NR3C1: variants seen among roughly 807,000 people sequenced by gnomAD.
NR3C1 encodes nuclear receptor subfamily 3 group C member 1.
NR3C1 carries 14 observed loss-of-function variants against 74.0 expected under a neutral mutation model. The ratio of observed to expected loss-of-function variants is 0.19; its 90% CI spans 0.12 to 0.30. The LOEUF (loss-of-function observed/expected upper bound fraction) is 0.30. Ranked by LOEUF, NR3C1 falls within the 10% of genes least tolerant of loss-of-function variation. NR3C1 has a pLI of 1.00. For synonymous variants in NR3C1, 308 were observed against 332.5 expected (o/e 0.93, Z 0.80); for missense variants, 695 against 909.8 (o/e 0.76, Z 3.04).
At chr5:143,313,601 TCTCA>T (rs1471842619) in intron 3 of NR3C1, among the ~76,000 whole-genome samples, 1 of 152,126 alleles carries the variant, frequency 6.6e-6, no homozygotes, top group Non-Finnish European at 1.5e-5. Context: ...CTGTCACAGT[TCTCA>T]CTGTGACTCA....
At position 143,329,422 on chromosome 5, in the gene NR3C1, A is replaced by G. The variant is rs142303794; in HGVS notation, c.1185-15254T>C. Among the ~76,000 whole-genome samples, 223 of 152,316 alleles carry G rather than the reference A, an allele frequency of 1.5e-3. 2 individuals are homozygous for G. The highest frequency in any genetic ancestry group is 5.1e-3 in the African/African-American group (211 of 41,580). ...CCAAACCATATCACATCCTGAAAGT[A>G]GGTATCTCTAATCCCATTTGACAGA... is the stretch of plus-strand genomic sequence containing the variant. On this transcript the variant is annotated intron_variant, in intron 2 of 8. Coordinates refer to ENST00000394464, the MANE Select transcript of NR3C1 (RefSeq NM_000176.3).
At chr5:143,402,767 G>A in intron 1 of NR3C1, 3 of 985,386 alleles carry the variant, frequency 3.0e-6, no homozygotes, top group Non-Finnish European at 3.6e-6. Flanking sequence ...CCGGGCTCGC[G>A]CTCGGGCGCG....
chr5:143,392,520 T>G (rs930554993), intron 2 of NR3C1, among the ~76,000 whole-genome samples: 12 of 148,514 alleles, frequency 8.1e-5, no homozygotes, highest in African/African-American at 2.2e-4. Context: ...GGTTTCCTGG[T>G]TTTTTTTTTC....
At chr5:143,343,818 T>C (rs1828697775) in intron 2 of NR3C1, among the ~76,000 whole-genome samples, 3 of 152,226 alleles carry the variant, frequency 2.0e-5, no homozygotes, top group Non-Finnish European at 1.5e-5. Flanking sequence ...GTTGTGGCAC[T>C]GGGCCTAGAT....
chr5:143,364,298 C>T (rs1832808234), intron 2 of NR3C1, among the ~76,000 whole-genome samples: 1 of 152,166 alleles, frequency 6.6e-6, no homozygotes, highest in Non-Finnish European at 1.5e-5. Flanking sequence ...CCAACACTAT[C>T]CTTCAAAAAT....
chr5:143,336,552 AT>A, intron 2 of NR3C1, among the ~76,000 whole-genome samples: 1 of 152,208 alleles, frequency 6.6e-6, no homozygotes, highest in East Asian at 1.9e-4. Context: ...GGGGTTCAAA[AT>A]CAGGAAGACT....
intron 4 of NR3C1, 65 bp downstream of exon 4, chr5:143,310,032 A>G (rs2151601976): frequency 4.0e-6 from 5 of 1,237,866 alleles, no homozygotes; most frequent in Admixed American, 1.7e-5. Context: ...TGTATCTTCA[A>G]AAGTAAAATG....
rs1483819721 is a variant in NR3C1, at chr5:143,282,652, T to G, written c.2097A>C (p.Lys699Asn). ...AGTTTCCTTCCCTCTTGACAATGGCTTTTCCTAGCTCTTTGATGTAGGTCA... is the reference window on the plus strand; with the variant it reads ...AGTTTCCTTCCCTCTTGACAATGGCGTTTCCTAGCTCTTTGATGTAGGTCA... ...IRMTYIKELG[K>N]AIVKREGNSS... Residue 699 changes from lysine (K) to asparagine (N), a missense_variant, in exon 8 of 9, where the codon AAA (lysine) becomes AAC (asparagine). Transcript: ENST00000394464. 1.2e-6 allele frequency: 2 copies of G among 1,614,082 alleles called. No individual in the cohort carries two copies. Among genetic ancestry groups the G allele is most frequent in the South Asian group, 2.2e-5 (2 of 91,080 alleles).
intron 2 of NR3C1, among the ~76,000 whole-genome samples, chr5:143,353,481 T>C (rs962616732): frequency 6.6e-6 from 1 of 152,182 alleles, no homozygotes; most frequent in Non-Finnish European, 1.5e-5. Flanking sequence ...AATGTACTGA[T>C]TTGAAACTTG....
At chr5:143,413,239 G>A (rs1352281107) in intron 1 of NR3C1, among the ~76,000 whole-genome samples, 1 of 152,148 alleles carries the variant, frequency 6.6e-6, no homozygotes, top group African/African-American at 2.4e-5. Context: ...TTAGGAAAAT[G>A]GGTGTGGATA....
chr5:143,401,671 C>G (rs1840309623), intron 1 of NR3C1, among the ~76,000 whole-genome samples: 1 of 152,184 alleles, frequency 6.6e-6, no homozygotes, highest in African/African-American at 2.4e-5. Context: ...ACAAAAACAT[C>G]TAGATTAAGC....
intron 2 of NR3C1, among the ~76,000 whole-genome samples, chr5:143,391,616 T>C (rs1457712899): frequency 1.3e-5 from 2 of 152,162 alleles, no homozygotes; most frequent in African/African-American, 2.4e-5. Flanking sequence ...CTATGGCTAT[T>C]ATGTAGATGG....
chr5:143,394,495 T>TA lies in NR3C1; in HGVS notation c.1184+5160dup, dbSNP rs61751245. Among the ~76,000 whole-genome samples the TA allele has an allele frequency of 6.3e-3, 956 of 152,156 alleles. 10 individuals carry two copies. Among genetic ancestry groups the TA allele is most frequent in the African/African-American group, 0.022 (924 of 41,558 alleles). On this transcript the variant is annotated intron_variant, in intron 2 of 8. Transcript: ENST00000394464. ...GTTGACAATGGCTGTAAAAGGGCAC[T>TA]ATGATATATGAAATGATTATATCAA... is the stretch of plus-strand genomic sequence containing the variant.
At chr5:143,371,532 G>A (rs1317875486) in intron 2 of NR3C1, among the ~76,000 whole-genome samples, 1 of 152,194 alleles carries the variant, frequency 6.6e-6, no homozygotes, top group East Asian at 1.9e-4. Context: ...ATTGTCCACA[G>A]TAGAAACTGC....
intron 2 of NR3C1, among the ~76,000 whole-genome samples, chr5:143,326,248 C>T (rs962829148): frequency 1.3e-5 from 2 of 152,186 alleles, no homozygotes; most frequent in African/African-American, 4.8e-5. Context: ...ATCCATTAAG[C>T]TTGACAGAGT....
At chr5:143,392,146 T>A (rs1308585613) in intron 2 of NR3C1, among the ~76,000 whole-genome samples, 1 of 152,098 alleles carries the variant, frequency 6.6e-6, no homozygotes. Flanking sequence ...TCTGTATTTT[T>A]AGTAGAGACA....
chr5:143,347,452 A>G (rs1035347688), intron 2 of NR3C1, among the ~76,000 whole-genome samples: 1 of 152,306 alleles, frequency 6.6e-6, no homozygotes, highest in South Asian at 2.1e-4. Flanking sequence ...AGGGCATCAC[A>G]CTAGTAAAGA....
At chr5:143,334,296 C>T (rs1474045203) in intron 2 of NR3C1, among the ~76,000 whole-genome samples, 2 of 152,014 alleles carry the variant, frequency 1.3e-5, no homozygotes, top group African/African-American at 2.4e-5. Flanking sequence ...GCAGGAGAAT[C>T]GCTTGAACCT....
chr5:143,294,558 G>C (rs1816715166), intron 7 of NR3C1: 1 of 157,722 alleles, frequency 6.3e-6, no homozygotes, highest in African/African-American at 2.4e-5. Flanking sequence ...TTGGATAAAT[G>C]TATAATGACA....
Sources: allele counts gnomAD v4.1 joint callset (sites outside exome capture counted in the v4.1 genomes callset), GRCh38; gene constraint gnomAD v4.1.1; transcripts MANE v1.5; gene names NCBI Gene and HGNC (gene_info 2026-07-23, HGNC 2026-07-21).